SLC30A9: variants seen among roughly 807,000 people sequenced by gnomAD.
SLC30A9 encodes the protein proton-coupled zinc antiporter SLC30A9, mitochondrial.
A neutral mutation model predicts 87.5 loss-of-function variants in SLC30A9; 58 were observed. The observed-to-expected ratio is 0.66, with a 90% CI of 0.54 to 0.82. SLC30A9 has a LOEUF of 0.82. Among genes scored for constraint, SLC30A9 ranks in the 40% least tolerant of loss-of-function variants. The probability of loss-of-function intolerance (pLI) is 0.00; values close to 1 mark genes in which losing one functional copy is unlikely to be tolerated. For synonymous variants in SLC30A9, 234 were observed against 233.0 expected (o/e 1.00, Z -0.04); for missense variants, 557 against 679.1 (o/e 0.82, Z 2.00).
In SLC30A9 at chr4:42,032,879, T is replaced by G. The variant is rs1716506759; in HGVS notation, c.611-2396T>G. Among the ~76,000 whole-genome samples, 3 of 152,334 alleles carry G rather than the reference T, an allele frequency of 2.0e-5. No homozygotes were observed. In the South Asian group the frequency reaches 6.2e-4, roughly 32 times the overall value. On this transcript the variant is annotated intron_variant, in intron 6 of 17. Coordinates refer to ENST00000264451, the MANE Select transcript of SLC30A9 (RefSeq NM_006345.4). Reference sequence around the variant, plus strand: ...TCAACTATTTCTAAAAGGAGCCACTTTTCTTTTTACTGGAAAATAAAATCA... The same window carrying G: ...TCAACTATTTCTAAAAGGAGCCACTGTTCTTTTTACTGGAAAATAAAATCA...
chr4:42,078,440 C>G, intron 17 of SLC30A9, 115 bp downstream of exon 17: 1 of 609,634 alleles, frequency 1.6e-6, no homozygotes, highest in Non-Finnish European at 2.9e-6. Context: ...CCACTCATAA[C>G]TCCACAGTGT....
chr4:41,999,348 G>A (rs987641087), intron 1 of SLC30A9, among the ~76,000 whole-genome samples: 1 of 152,114 alleles, frequency 6.6e-6, no homozygotes, highest in African/African-American at 2.4e-5. Context: ...AGTAAATGAA[G>A]GAGTAATAAA....
intron 17 of SLC30A9, among the ~76,000 whole-genome samples, chr4:42,083,435 T>A (rs1383797766): frequency 6.6e-6 from 1 of 152,220 alleles, no homozygotes; most frequent in Non-Finnish European, 1.5e-5. Context: ...TAGTTTCTAC[T>A]ATACACATGA....
intron 11 of SLC30A9, among the ~76,000 whole-genome samples, chr4:42,063,691 C>T (rs1478950606): frequency 6.6e-6 from 1 of 152,194 alleles, no homozygotes; most frequent in Non-Finnish European, 1.5e-5. Context: ...TACCACTTTA[C>T]TGACTACAGT....
chr4:42,012,008 G>A (rs1715465296), intron 2 of SLC30A9, among the ~76,000 whole-genome samples: 1 of 149,728 alleles, frequency 6.7e-6, no homozygotes, highest in African/African-American at 2.4e-5. Context: ...TGCAGCTCTA[G>A]CCTACATTTA....
intron 2 of SLC30A9, among the ~76,000 whole-genome samples, chr4:42,007,610 AGCCG>A (rs1413958972): frequency 4.0e-4 from 11 of 27,302 alleles, no homozygotes; most frequent in South Asian, 4.2e-3. Flanking sequence ...AATTAGCCGG[AGCCG>A]GGCATGGTGG....
rs535594344 is a variant in SLC30A9 at position 42,077,370 on chromosome 4, A to G, written c.1549-842A>G. 3.3e-5 allele frequency among the ~76,000 whole-genome samples: 5 copies of G among 152,256 alleles called. No individual in the cohort carries two copies. In the East Asian group the frequency reaches 7.7e-4, roughly 24 times the overall value. On this transcript the variant is annotated intron_variant, in intron 16 of 17. Coordinates refer to ENST00000264451, the MANE Select transcript of SLC30A9 (RefSeq NM_006345.4). ...TTCATGTTTTAAGTTCATTTGCATTACACTTATAGATTTGAAAGGTCTTTA... is the reference window on the plus strand; with the variant it reads ...TTCATGTTTTAAGTTCATTTGCATTGCACTTATAGATTTGAAAGGTCTTTA...
intron 8 of SLC30A9, among the ~76,000 whole-genome samples, chr4:42,047,149 C>T (rs911031884): frequency 6.6e-6 from 1 of 152,166 alleles, no homozygotes; most frequent in African/African-American, 2.4e-5. Context: ...CTAGGCAATA[C>T]CATTCAGGAC....
intron 15 of SLC30A9, among the ~76,000 whole-genome samples, chr4:42,074,602 C>T (rs1460337816): frequency 3.3e-5 from 5 of 152,014 alleles, no homozygotes; most frequent in African/African-American, 4.8e-5. Flanking sequence ...GCTGGGGAGT[C>T]CTAATCTGCT....
chr4:42,002,221 TC>T (rs1447710233), intron 2 of SLC30A9, among the ~76,000 whole-genome samples: 2 of 152,048 alleles, frequency 1.3e-5, no homozygotes, highest in African/African-American at 4.8e-5. Flanking sequence ...AATTATAGCC[TC>T]CTTTCTGCCT....
intron 16 of SLC30A9, among the ~76,000 whole-genome samples, chr4:42,077,050 T>A (rs1465804536): frequency 6.6e-6 from 1 of 152,016 alleles, no homozygotes. Flanking sequence ...TTTAGTATGG[T>A]GTATATATAG....
At chr4:42,050,472 T>C (rs1012879200) in intron 9 of SLC30A9, among the ~76,000 whole-genome samples, 1 of 152,188 alleles carries the variant, frequency 6.6e-6, no homozygotes, top group African/African-American at 2.4e-5. Context: ...CAAGGAGATA[T>C]GTATGATGTT....
At chr4:42,011,382 A>T (rs982261475) in intron 2 of SLC30A9, among the ~76,000 whole-genome samples, 3 of 152,188 alleles carry the variant, frequency 2.0e-5, no homozygotes, top group African/African-American at 7.2e-5. Flanking sequence ...GGGGATTATA[A>T]TTCAAGGTGA....
intron 1 of SLC30A9, among the ~76,000 whole-genome samples, chr4:41,995,074 A>G (rs1202926759): frequency 1.3e-5 from 2 of 151,984 alleles, no homozygotes; most frequent in African/African-American, 4.8e-5. Flanking sequence ...CCTGGCCAAC[A>G]TGGCAAAAAC....
intron 8 of SLC30A9, among the ~76,000 whole-genome samples, chr4:42,039,836 C>A (rs1414349101): frequency 6.6e-6 from 1 of 151,936 alleles, no homozygotes; most frequent in African/African-American, 2.4e-5. Flanking sequence ...TCTGACTAAT[C>A]TATTTTAGGA....
chr4:42,041,245 C>T (rs558695297), intron 8 of SLC30A9, among the ~76,000 whole-genome samples: 1 of 152,126 alleles, frequency 6.6e-6, no homozygotes, highest in African/African-American at 2.4e-5. Context: ...GACACAGAGC[C>T]AAACCATATC....
At chr4:42,045,179 A>T (rs567462932) in intron 8 of SLC30A9, among the ~76,000 whole-genome samples, 2 of 152,322 alleles carry the variant, frequency 1.3e-5, no homozygotes, top group African/African-American at 4.8e-5. Flanking sequence ...AACAAATTCA[A>T]ATGCTAGCAG....
chr4:42,007,132 G>C (rs1458181976), intron 2 of SLC30A9, among the ~76,000 whole-genome samples: 1 of 152,090 alleles, frequency 6.6e-6, no homozygotes, highest in Non-Finnish European at 1.5e-5. Context: ...CTGGAGTAGG[G>C]TAATAATAAT....
intron 2 of SLC30A9, among the ~76,000 whole-genome samples, chr4:42,007,650 G>A (rs532844458): frequency 1.5e-4 from 23 of 152,198 alleles, no homozygotes; most frequent in South Asian, 1.5e-3. Context: ...CCAGCTACTC[G>A]GGAGGCTGAG....
Sources: allele counts gnomAD v4.1 joint callset (sites outside exome capture counted in the v4.1 genomes callset), GRCh38; gene constraint gnomAD v4.1.1; transcripts MANE v1.5; gene names NCBI Gene and HGNC (gene_info 2026-07-23, HGNC 2026-07-21).